Variants in SPTBN5 observed in about 807,000 individuals in gnomAD.
SPTBN5 encodes spectrin beta, non-erythrocytic 5, also known as spectrin beta chain, non-erythrocytic 5.
SPTBN5 carries 513 observed loss-of-function variants against 477.6 expected under a neutral mutation model. The ratio of observed to expected loss-of-function variants is 1.07; its 90% confidence interval spans 1.00 to 1.16. SPTBN5 has a LOEUF of 1.16. SPTBN5 is among the 50% of genes most tolerant of loss of function. The probability of loss-of-function intolerance (pLI) is 0.00; values close to 1 mark genes in which losing one functional copy is unlikely to be tolerated. For synonymous variants in SPTBN5, 2,169 were observed against 2,011.7 expected, an observed-to-expected ratio of 1.08 and a Z score of -2.09; for missense variants, 5,062 against 4,731.8, an observed-to-expected ratio of 1.07 and a Z score of -2.05.
intron 53 of SPTBN5, 32 bp downstream of exon 53, chr15:41,856,354 G>C: frequency 1.3e-6 from 2 of 1,513,568 alleles, no homozygotes; most frequent in Non-Finnish European, 1.8e-6. Flanking sequence ...TTCCAGGCTT[G>C]CCTGCTGTGC....
rs147919003 is a variant in SPTBN5 at position 41,874,571 on chromosome 15, A to G, written c.4503-93T>C. 1.2e-4 allele frequency: 140 copies of G among 1,137,210 alleles called. No homozygotes were observed. The East Asian group carries it at 3.6e-3, about 29-fold the overall frequency. The allele number at this position is 1,137,210 out of a possible 1,614,324, so 70.4% of individuals were successfully genotyped here. A position where few individuals can be genotyped will look rare whatever the true frequency, so the allele number is the denominator to read the frequency against. On this transcript the variant is annotated intron_variant, in intron 23 of 67. Coordinates refer to ENST00000320955, the MANE Select transcript of SPTBN5 (RefSeq NM_016642.4). ...TTGGCCAAGCCAGGGCCCGTGAAGA[A>G]CAAGACCAGGGAATAGAGCAAAGCC...
chr15:41,860,888 C>T lies in SPTBN5; in HGVS notation c.7816-130G>A, dbSNP rs886667106. On this transcript the variant is annotated intron_variant, in intron 46 of 67. Transcript: ENST00000320955. ...GCGGCTGCTCCGCCCAAACACATCC[C>T]TCACATCCCTCAAGGCTGTTTCCAG... is the stretch of plus-strand genomic sequence containing the variant. 7 of 883,764 alleles carry T rather than the reference C, an allele frequency of 7.9e-6. No individual in the cohort carries two copies. The Middle Eastern group carries it at 2.1e-3, about 264-fold the overall frequency. The allele number at this position is 883,764 out of a possible 1,614,324, so 54.7% of individuals were successfully genotyped here.
intron 36 of SPTBN5, 39 bp downstream of exon 36, chr15:41,866,908 CTGTCGAGTGTGG>C: frequency 6.6e-7 from 1 of 1,507,690 alleles, no homozygotes; most frequent in Non-Finnish European, 8.9e-7. Context: ...CGGCTGAAAA[CTGTCGAGTGTGG>C]TTCCAGTGGA....
rs745579816 is a variant in SPTBN5, at chr15:41,878,502, G to A, written c.3310C>T (p.Arg1104Trp). 1.2e-5 allele frequency: 20 copies of A among 1,613,130 alleles called. No individual in the cohort carries two copies. Among genetic ancestry groups the A allele is most frequent in the South Asian group, 3.3e-5 (3 of 91,028 alleles). ...RARRQAETQA[R>W]QSFLQESQQL... ...TGGCTCTCTTGCAGGAAGCTCTGCC[G>A]GGCCTGAGTCTCAGCCTGGCGCCGG... Residue 1104 changes from arginine (R) to tryptophan (W), a missense_variant, in exon 17 of 68, where the codon CGG becomes TGG. Transcript: ENST00000320955.
chr15:41,877,059 A>G, intron 18 of SPTBN5, 57 bp downstream of exon 18: 4 of 1,605,936 alleles, frequency 2.5e-6, no homozygotes, highest in Non-Finnish European at 3.4e-6. Flanking sequence ...ACTCAAGGGG[A>G]TGAGCTCCCT....
intron 2 of SPTBN5, 44 bp from the exon 3 acceptor site, chr15:41,893,105 C>T (rs754259237): frequency 1.3e-6 from 2 of 1,596,280 alleles, no homozygotes; most frequent in African/African-American, 2.7e-5. Flanking sequence ...CCCAGCCTCA[C>T]CTGTCCTCCC....
At position 41,862,656 on chromosome 15, in the gene SPTBN5, A is replaced by G. The variant is rs1219283812; in HGVS notation, c.7268T>C (p.Leu2423Pro). 7 of 1,552,516 alleles carry G rather than the reference A, an allele frequency of 4.5e-6. No homozygotes were observed. In the Admixed American group the frequency reaches 1.3e-4, roughly 30 times the overall value. ...VHPIQAQVES[L>P]EREVGRLCQR... ...GCAGAGGCGGCCCACTTCACGCTCTAGGGACTGCGGGGGAAGCCGGGGTCA... is the reference window on the plus strand; with the variant it reads ...GCAGAGGCGGCCCACTTCACGCTCTGGGGACTGCGGGGGAAGCCGGGGTCA... Residue 2423 changes from leucine to proline, a missense_variant, in exon 43 of 68, where the codon CTA (leucine) becomes CCA (proline). Coordinates refer to ENST00000320955, the MANE Select transcript of SPTBN5 (RefSeq NM_016642.4).
In SPTBN5 at chr15:41,882,319, G is replaced by A. The variant is rs1020224536; in HGVS notation, c.2197C>T (p.Arg733Trp). 1.3e-4 allele frequency: 175 copies of A among 1,347,522 alleles called. No individual in the cohort carries two copies. Among genetic ancestry groups the A allele is most frequent in the Non-Finnish European group, 1.6e-4 (166 of 1,030,240 alleles). The allele number at this position is 1,347,522 out of a possible 1,614,324, so 83.5% of individuals were successfully genotyped here. The stretch of plus-strand genomic sequence containing the variant: ...AGCCGTGCGCCCCGCCCCACCACCC[G>A]GGTCTGGAGCAGCTGCCACCCTCCC... ...VQGGWQLLQTRVVGRGARLQT... is the reference protein window; with the variant it reads ...VQGGWQLLQTWVVGRGARLQT... The change falls in exon 11 of 68, where the codon CGG becomes TGG. Residue 733 changes from arginine (R) to tryptophan (W), a missense_variant. Physicochemically the swap from Arg to Trp is moderately radical, Grantham distance 101. Coordinates refer to ENST00000320955, the MANE Select transcript of SPTBN5 (RefSeq NM_016642.4).
chr15:41,866,748 T>G (rs2066331136), intron 36 of SPTBN5, among the ~76,000 whole-genome samples: 1 of 152,104 alleles, frequency 6.6e-6, no homozygotes. Flanking sequence ...CTTCCCCACC[T>G]CTCTTGCCCT....
At chr15:41,871,575 A>G in intron 28 of SPTBN5, 55 bp from the exon 29 acceptor site, 2 of 1,411,790 alleles carry the variant, frequency 1.4e-6, no homozygotes, top group Non-Finnish European at 1.9e-6. Flanking sequence ...GGCGTCAAGC[A>G]GCCTGGGAAT....
chr15:41,860,893 A>G, intron 46 of SPTBN5, 135 bp from the exon 47 acceptor site: 1 of 848,280 alleles, frequency 1.2e-6, no homozygotes, highest in Non-Finnish European at 1.7e-6. Context: ...CATCCCTCAC[A>G]TCCCTCAAGG....
intron 48 of SPTBN5, 49 bp downstream of exon 48, chr15:41,858,841 G>A: frequency 6.5e-7 from 1 of 1,546,690 alleles, no homozygotes; most frequent in South Asian, 1.2e-5. Flanking sequence ...CTTTCCCTGG[G>A]TCGACTCCTT....
Position 41,875,640 on chromosome 15 carries a change from G to T in SPTBN5, c.4123-18C>A. On this transcript the variant is annotated intron_variant, in intron 21 of 67. Transcript: ENST00000320955. ...CTCCCAACCTGGAGTGGAGATAAAG[G>T]CCCAGGGAGTTTGGCTGAGCTGCTG... is the stretch of plus-strand genomic sequence containing the variant. The T allele has an allele frequency of 1.9e-6, 3 of 1,562,478 alleles. No homozygotes were observed. The highest frequency in any genetic ancestry group is 1.4e-5 in the African/African-American group (1 of 73,682).
At position 41,849,975 on chromosome 15, in the gene SPTBN5, A is replaced by C. The variant is rs1287101124; in HGVS notation, c.10922-16T>G. 2 of 1,571,824 alleles carry C rather than the reference A, an allele frequency of 1.3e-6. No homozygotes were observed. The highest frequency in any genetic ancestry group is 2.3e-5 in the South Asian group (2 of 85,650). The stretch of plus-strand genomic sequence containing the variant: ...AGACTCTGGGCTGCAGAGCAAGGGA[A>C]TAACCACTGTTAGCCCGGCCCAGAC... On this transcript the variant is annotated splice_polypyrimidine_tract_variant and intron_variant, in intron 66 of 67. Coordinates refer to ENST00000320955, the MANE Select transcript of SPTBN5 (RefSeq NM_016642.4).
At chr15:41,857,121 G>T in intron 51 of SPTBN5, 82 bp from the exon 52 acceptor site, 1 of 1,518,692 alleles carries the variant, frequency 6.6e-7, no homozygotes, top group East Asian at 2.4e-5. Context: ...AGATCACCCA[G>T]CTGTGGCCCT....
Position 41,858,606 on chromosome 15 carries a change from T to C in SPTBN5, c.8222A>G (p.Gln2741Arg), listed in dbSNP as rs1329895169. Residue 2741 changes from glutamine to arginine, a missense_variant, in exon 49 of 68, where the codon CAG (glutamine) becomes CGG (arginine). Physicochemically the swap from Gln to Arg is conservative, Grantham distance 43. Transcript: ENST00000320955. ...DASMHQQQEL[Q>R]REGQRLLQGG... ...CTCCTGCCTGCAGGGCCTCACCCGC[T>C]GCAGCTCCTGCTGTTGGTGCATGCT... 1 of 1,610,578 alleles carries C rather than the reference T, an allele frequency of 6.2e-7. No individual in the cohort carries two copies. The highest frequency in any genetic ancestry group is 8.5e-7 in the Non-Finnish European group (1 of 1,179,278).
chr15:41,881,067 A>C lies in SPTBN5; in HGVS notation c.2625T>G (p.Ser875Arg). ...GGGCCCGCAGACTCTCATAGTCCTG[A>C]CTCAAGTGGTCCTGTGTCTGGAGTA... is the stretch of plus-strand genomic sequence containing the variant. The part of the protein sequence containing the change: ...NTILQTQDHL[S>R]QDYESLRALA... The change falls in exon 13 of 68, where the codon AGT becomes AGG. Residue 875 changes from serine (S) to arginine (R), a missense_variant. Ser to Arg is a moderately radical substitution (Grantham distance 110). Transcript: ENST00000320955. 6.2e-7 allele frequency: 1 copy of C among 1,604,662 alleles called. No homozygotes were observed. Among genetic ancestry groups the C allele is most frequent in the Non-Finnish European group, 8.5e-7 (1 of 1,175,376 alleles).
Position 41,861,900 on chromosome 15 carries a change from G to T in SPTBN5, c.7572C>A (p.Asp2524Glu). The change falls in exon 45 of 68, where the codon GAC (aspartate) becomes GAA (glutamate). Residue 2524 changes from aspartate to glutamate, a missense_variant. Physicochemically the swap from Asp to Glu is conservative, Grantham distance 45 (BLOSUM62 2). Coordinates refer to ENST00000320955, the MANE Select transcript of SPTBN5 (RefSeq NM_016642.4). ...ECKAELDSWT[D>E]SISLARSTGQ... The stretch of plus-strand genomic sequence containing the variant: ...CAGTGCTTCGGGCCAGGCTGATGCT[G>T]TCTGTCCAGGAGTCCAGCTCGGCCT... 1 of 1,606,344 alleles carries T rather than the reference G, an allele frequency of 6.2e-7. No individual in the cohort carries two copies.
chr15:41,868,938 G>A (rs2066435497), intron 32 of SPTBN5, among the ~76,000 whole-genome samples: 1 of 152,200 alleles, frequency 6.6e-6, no homozygotes, highest in Admixed American at 6.5e-5. Context: ...CATCAAGACT[G>A]CTTGATGGGG....
Sources: gnomAD v4.1 joint callset for allele counts (sites outside exome capture counted in the v4.1 genomes callset) on GRCh38, gnomAD v4.1.1 for gene constraint, MANE v1.5 for transcripts, NCBI Gene and HGNC (gene_info 2026-07-23, HGNC 2026-07-21) for gene names.